The following DLG1 variants were observed in gnomAD, a reference collection of about 807,000 sequenced individuals.
DLG1 encodes the protein discs large MAGUK scaffold protein 1, also known as disks large homolog 1.
A neutral mutation model predicts 123.4 loss-of-function variants in DLG1; 42 were observed. The ratio of observed to expected loss-of-function variants is 0.34; its 90% CI spans 0.27 to 0.44. The LOEUF (loss-of-function observed/expected upper bound fraction) is 0.44. DLG1 is among the 20% of genes least tolerant of loss of function. DLG1 has a pLI of 1.00. For synonymous variants in DLG1, 317 were observed against 356.2 expected (o/e 0.89, Z 1.24); for missense variants, 942 against 1,082.6 (o/e 0.87, Z 1.82).
At chr3:197,075,874 T>C (rs1560493349) in intron 18 of DLG1, 3 of 1,611,252 alleles carry the variant, frequency 1.9e-6, no homozygotes, top group Admixed American at 3.4e-5. Context: ...GGATCTCCTG[T>C]AGAGGGTAGT....
At chr3:197,057,263 TAG>T (rs1732382031) in intron 23 of DLG1, among the ~76,000 whole-genome samples, 1 of 152,156 alleles carries the variant, frequency 6.6e-6, no homozygotes, top group African/African-American at 2.4e-5. Flanking sequence ...AAGTTTTCTG[TAG>T]AGACAGGATT....
intron 11 of DLG1, among the ~76,000 whole-genome samples, chr3:197,120,273 G>GAAAAAAAAAAAAAAAAAAAAAAAA (rs3050713): frequency 7.8e-6 from 1 of 127,600 alleles, no homozygotes. Flanking sequence ...TCTCGAGAAA[G>GAAAAAAAAAAAAAAAAAAAAAAAA]AAAAAAAAAA....
chr3:197,163,856 T>A (rs974184199), intron 5 of DLG1, among the ~76,000 whole-genome samples: 1 of 151,904 alleles, frequency 6.6e-6, no homozygotes, highest in Non-Finnish European at 1.5e-5. Flanking sequence ...AAATTCTTAA[T>A]CATGCTAGAA....
chr3:197,138,822 T>C (rs1301519216), intron 8 of DLG1, among the ~76,000 whole-genome samples: 2 of 152,084 alleles, frequency 1.3e-5, no homozygotes, highest in African/African-American at 4.8e-5. Context: ...ATTTCACAGA[T>C]GGAGAAACTG....
At chr3:197,152,055 A>C (rs544019031) in intron 5 of DLG1, among the ~76,000 whole-genome samples, 1 of 152,326 alleles carries the variant, frequency 6.6e-6, no homozygotes, top group African/African-American at 2.4e-5. Flanking sequence ...TAGTAACAGA[A>C]TAAGCATTTC....
At position 197,282,896 on chromosome 3, in the gene DLG1, T is replaced by C. The variant is rs1770063874; in HGVS notation, c.152-51A>G. On this transcript the variant is annotated intron_variant, in intron 3 of 24. Transcript: ENST00000667157. ...TAAGTATTTATATTTTCTAACTAAA[T>C]TATGCAATGCTATAACAACATAACT... 3.5e-6 allele frequency: 4 copies of C among 1,136,482 alleles called. No individual in the cohort carries two copies. In the South Asian group the frequency reaches 6.6e-5, roughly 19 times the overall value. The allele number at this position is 1,136,482 out of a possible 1,614,324, so 70.4% of individuals were successfully genotyped here.
At chr3:197,089,041 A>C in intron 15 of DLG1, among the ~76,000 whole-genome samples, 1 of 152,224 alleles carries the variant, frequency 6.6e-6, no homozygotes. Flanking sequence ...TAATGCGCAA[A>C]ACTGGTAAAG....
intron 5 of DLG1, among the ~76,000 whole-genome samples, chr3:197,169,928 C>A (rs1803302681): frequency 6.6e-6 from 1 of 152,158 alleles, no homozygotes; most frequent in African/African-American, 2.4e-5. Flanking sequence ...CCACCCCTCA[C>A]ACCGGCCCCA....
chr3:197,129,408 A>T (rs1781388268), intron 11 of DLG1, among the ~76,000 whole-genome samples: 1 of 152,196 alleles, frequency 6.6e-6, no homozygotes, highest in Non-Finnish European at 1.5e-5. Flanking sequence ...ATTGAAGCAC[A>T]GTTAGGGTCT....
chr3:197,220,660 CA>C (rs201407248), intron 4 of DLG1, among the ~76,000 whole-genome samples: 22,089 of 151,956 alleles, frequency 0.15, 2,395 homozygotes, highest in African/African-American at 0.31. Context: ...CTTTGTACCC[CA>C]CCTATCCAGC....
At chr3:197,222,968 T>C (rs1737913812) in intron 4 of DLG1, among the ~76,000 whole-genome samples, 1 of 152,226 alleles carries the variant, frequency 6.6e-6, no homozygotes, top group Non-Finnish European at 1.5e-5. Flanking sequence ...GATCGTCACA[T>C]ACCTCATTTC....
At chr3:197,275,192 A>G (rs1416522779) in intron 4 of DLG1, among the ~76,000 whole-genome samples, 1 of 151,766 alleles carries the variant, frequency 6.6e-6, no homozygotes, top group African/African-American at 2.4e-5. Context: ...TCTCAAAAAA[A>G]AAAAAAAGAA....
Position 197,076,590 on chromosome 3 carries a change from A to C in DLG1, c.2001T>G (p.Ala667=), listed in dbSNP as rs1346127483. ...KDQSEQETSD[A]DQHVTSNASD... is the part of the protein sequence containing the mutation. ...CCACTGGATCCACATACTTACGGTC[A>C]GCATCACTTGTTTCCTGCTCACTCT... The change falls in exon 18 of 25, where the codon GCT becomes GCG. Residue 667 remains alanine (A), a synonymous_variant. Coordinates refer to ENST00000667157, the MANE Select transcript of DLG1 (RefSeq NM_001366207.1). 6.2e-7 allele frequency: 1 copy of C among 1,610,460 alleles called. No homozygotes were observed. The highest frequency in any genetic ancestry group is 1.3e-5 in the African/African-American group (1 of 74,788).
At chr3:197,048,869 C>G (rs1340661022) in intron 24 of DLG1, among the ~76,000 whole-genome samples, 1 of 152,126 alleles carries the variant, frequency 6.6e-6, no homozygotes, top group Non-Finnish European at 1.5e-5. Flanking sequence ...GTTGGTCAGG[C>G]TGGTCTCGGA....
intron 2 of DLG1, chr3:197,296,767 A>G: frequency 2.7e-6 from 1 of 377,298 alleles, no homozygotes; most frequent in African/African-American, 2.1e-5. Context: ...TCAAAGTATT[A>G]GCAACAGTTT....
intron 5 of DLG1, among the ~76,000 whole-genome samples, 162 bp from the exon 6 acceptor site, chr3:197,149,958 A>G (rs1269227149): frequency 6.6e-6 from 1 of 152,208 alleles, no homozygotes; most frequent in Non-Finnish European, 1.5e-5. Context: ...CACCAAACAG[A>G]AAAAATTATG....
At chr3:197,196,387 T>TA (rs1020745848) in intron 4 of DLG1, among the ~76,000 whole-genome samples, 2 of 151,810 alleles carry the variant, frequency 1.3e-5, no homozygotes, top group African/African-American at 4.8e-5. Context: ...TCAAAACCAA[T>TA]AAAAAAAGGT....
chr3:197,282,416 T>C (rs1308175408), intron 4 of DLG1, among the ~76,000 whole-genome samples: 1 of 152,240 alleles, frequency 6.6e-6, no homozygotes, highest in Non-Finnish European at 1.5e-5. Context: ...TGTTGAGGTC[T>C]ATCATGCAAA....
At chr3:197,061,361 A>G (rs1325070523) in intron 22 of DLG1, among the ~76,000 whole-genome samples, 1 of 152,240 alleles carries the variant, frequency 6.6e-6, no homozygotes, top group Non-Finnish European at 1.5e-5. Flanking sequence ...ATATATGTAC[A>G]TAATAGTTTG....
Sources: allele counts gnomAD v4.1 joint callset (sites outside exome capture counted in the v4.1 genomes callset), GRCh38; gene constraint gnomAD v4.1.1; transcripts MANE v1.5; gene names NCBI Gene and HGNC (gene_info 2026-07-23, HGNC 2026-07-21).